PRR16: variants seen among roughly 807,000 people sequenced by gnomAD.
The protein encoded by PRR16 is proline rich 16.
Under a neutral mutation model 18.2 loss-of-function variants are expected in PRR16, and 6 were observed. The observed-to-expected ratio is 0.33, with a 90% CI of 0.18 to 0.65. PRR16 has a LOEUF of 0.65. Ranked by LOEUF, PRR16 falls within the 30% of genes least tolerant of loss-of-function variation. PRR16 has a pLI of 0.74. For missense variants in PRR16, 412 were observed against 376.6 expected (o/e 1.09, Z -0.78); for synonymous variants, 151 against 147.8 (o/e 1.02, Z -0.16).
intron 1 of PRR16, among the ~76,000 whole-genome samples, chr5:120,639,594 C>T (rs1233607653): frequency 1.3e-5 from 2 of 151,540 alleles, no homozygotes; most frequent in Admixed American, 6.6e-5. Flanking sequence ...AATGAGATAC[C>T]ATCTCATACC....
chr5:120,739,089 C>A, the PRR16 span, among the ~76,000 whole-genome samples: 2 of 152,008 alleles, frequency 1.3e-5, no homozygotes, highest in African/African-American at 4.8e-5. Context: ...TAGAGATAAG[C>A]AGTAGCAAGT....
the PRR16 span, among the ~76,000 whole-genome samples, chr5:120,694,926 A>T: frequency 6.6e-6 from 1 of 152,300 alleles, no homozygotes; most frequent in African/African-American, 2.4e-5. Flanking sequence ...GTGGTTTAAA[A>T]CTTAATTTTT....
At chr5:120,640,793 C>T (rs1755396704) in intron 1 of PRR16, among the ~76,000 whole-genome samples, 1 of 152,138 alleles carries the variant, frequency 6.6e-6, no homozygotes, top group South Asian at 2.1e-4. Context: ...TTCTCCCTTG[C>T]TTCTCTGTCT....
the PRR16 span, among the ~76,000 whole-genome samples, chr5:120,734,941 T>C: frequency 6.6e-6 from 1 of 152,206 alleles, no homozygotes; most frequent in Non-Finnish European, 1.5e-5. Context: ...TCTTTCAAAC[T>C]TCAGTTTCAC....
chr5:120,535,076 C>CGT (rs34220996), intron 1 of PRR16, among the ~76,000 whole-genome samples: 114,218 of 146,308 alleles, frequency 0.78, 44,612 homozygotes, highest in South Asian at 0.85. Context: ...TCACTTTACA[C>CGT]GTGTGTGTGT....
At chr5:120,519,650 T>C (rs943614490) in intron 1 of PRR16, among the ~76,000 whole-genome samples, 1 of 152,150 alleles carries the variant, frequency 6.6e-6, no homozygotes, top group African/African-American at 2.4e-5. Context: ...ATTATTTTCA[T>C]TTATAAACTT....
chr5:120,489,298 T>C (rs1490048991), intron 1 of PRR16, among the ~76,000 whole-genome samples: 2 of 152,206 alleles, frequency 1.3e-5, no homozygotes, highest in African/African-American at 2.4e-5. Flanking sequence ...AGTCTCTTTG[T>C]AGGTCTCTAA....
At chr5:120,571,551 G>A (rs1043485013) in intron 1 of PRR16, among the ~76,000 whole-genome samples, 2 of 152,192 alleles carry the variant, frequency 1.3e-5, no homozygotes, top group Non-Finnish European at 2.9e-5. Flanking sequence ...GATCAAAAGG[G>A]TGGTATATTT....
chr5:120,683,870 C>T (rs978245914), intron 1 of PRR16, among the ~76,000 whole-genome samples: 1 of 148,012 alleles, frequency 6.8e-6, no homozygotes, highest in African/African-American at 2.5e-5. Flanking sequence ...GAGAAATGAG[C>T]AGACATAGAA....
At chr5:120,579,009 G>A (rs1753172850) in intron 1 of PRR16, among the ~76,000 whole-genome samples, 1 of 152,064 alleles carries the variant, frequency 6.6e-6, no homozygotes, top group African/African-American at 2.4e-5. Context: ...CATTGATGTT[G>A]AGCTTTTTTT....
intron 1 of PRR16, among the ~76,000 whole-genome samples, chr5:120,628,370 A>C (rs1378546830): frequency 1.3e-5 from 2 of 152,058 alleles, no homozygotes. Context: ...AATGTAAAGC[A>C]CATGTGTTGG....
At chr5:120,509,759 A>G (rs1271293695) in intron 1 of PRR16, among the ~76,000 whole-genome samples, 2 of 152,182 alleles carry the variant, frequency 1.3e-5, no homozygotes, top group Non-Finnish European at 2.9e-5. Flanking sequence ...CGTCAGGTGA[A>G]TATCAAGGCA....
At chr5:120,623,619 T>C (rs1754759945) in intron 1 of PRR16, among the ~76,000 whole-genome samples, 1 of 152,132 alleles carries the variant, frequency 6.6e-6, no homozygotes. Flanking sequence ...TCTTTACCCT[T>C]ACCCATGTTA....
At chr5:120,617,219 G>A in intron 1 of PRR16, 1 of 967,028 alleles carries the variant, frequency 1.0e-6, no homozygotes, top group South Asian at 4.8e-5. Context: ...CATGATGTTT[G>A]CAGGAATTTG....
the PRR16 span, among the ~76,000 whole-genome samples, chr5:120,736,457 G>A: frequency 3.1e-4 from 45 of 144,068 alleles, no homozygotes; most frequent in Middle Eastern, 3.8e-3. Context: ...TACAGAAAGA[G>A]TTTCACCATG....
intron 1 of PRR16, among the ~76,000 whole-genome samples, chr5:120,616,246 C>T (rs913129839): frequency 1.3e-5 from 2 of 152,120 alleles, no homozygotes; most frequent in Non-Finnish European, 2.9e-5. Context: ...AATGCAGAAA[C>T]TGTAGTGTTT....
chr5:120,750,092 G>A, the PRR16 span, among the ~76,000 whole-genome samples: 47 of 152,150 alleles, frequency 3.1e-4, no homozygotes, highest in Admixed American at 7.9e-4. Context: ...GTACCTTTAC[G>A]TAGCAAAACA....
At chr5:120,523,672 A>G (rs1484595512) in intron 1 of PRR16, among the ~76,000 whole-genome samples, 1 of 152,164 alleles carries the variant, frequency 6.6e-6, no homozygotes, top group African/African-American at 2.4e-5. Context: ...ATTACTACCT[A>G]TAGTCAGTGA....
chr5:120,729,645 A>C, the PRR16 span, among the ~76,000 whole-genome samples: 1 of 152,268 alleles, frequency 6.6e-6, no homozygotes, highest in Middle Eastern at 3.4e-3. Flanking sequence ...ATGTTTGACT[A>C]AATAAATGAA....
Sources: gnomAD v4.1 joint callset for allele counts (sites outside exome capture counted in the v4.1 genomes callset) on GRCh38, gnomAD v4.1.1 for gene constraint, MANE v1.5 for transcripts, NCBI Gene and HGNC (gene_info 2026-07-23, HGNC 2026-07-21) for gene names.